The following ITPR1 variants were observed in gnomAD, a reference collection of about 807,000 sequenced individuals.
ITPR1 encodes the protein inositol 1,4,5-trisphosphate receptor type 1, also known as inositol 1,4,5-trisphosphate-gated calcium channel ITPR1.
In ITPR1, 96 loss-of-function variants were observed where a neutral mutation model predicts 318.4. That is an observed-to-expected ratio of 0.30 (90% CI 0.26 to 0.36). The LOEUF (loss-of-function observed/expected upper bound fraction) is 0.36. ITPR1 is among the 10% of genes least tolerant of loss of function. The probability of loss-of-function intolerance (pLI) is 1.00; values close to 1 mark genes in which losing one functional copy is unlikely to be tolerated. For synonymous variants in ITPR1, 1,312 were observed against 1,289.9 expected, an observed-to-expected ratio of 1.02 and a Z score of -0.37; for missense variants, 2,440 against 3,460.2, an observed-to-expected ratio of 0.71 and a Z score of 7.40.
At position 4,733,295 on chromosome 3, in the gene ITPR1, A is replaced by G. The variant is rs2043056624; in HGVS notation, c.5353+75A>G. ...TGATAGCTGCATGTTTCCTCCTAAC[A>G]GGTTGAAATGCTCACAACAGATGAA... On this transcript the variant is annotated intron_variant, in intron 43 of 61. Transcript: ENST00000649015. The G allele has an allele frequency of 1.1e-5, 17 of 1,536,504 alleles. No homozygotes were observed. The South Asian group carries it at 1.7e-4, about 16-fold the overall frequency.
Position 4,578,990 on chromosome 3 carries a change from T to C in ITPR1, c.164-48773T>C, listed in dbSNP as rs796347145. ...ATACTGAGTAGAACAAAAATTCCAT[T>C]GACCCATGTGATATTGCTGATTTTG... On this transcript the variant is annotated intron_variant, in intron 4 of 61. Coordinates refer to ENST00000649015, the MANE Select transcript of ITPR1 (RefSeq NM_001378452.1). 1.6e-4 allele frequency among the ~76,000 whole-genome samples: 24 copies of C among 152,298 alleles called. 1 individual carries two copies. Among genetic ancestry groups the C allele is most frequent in the African/African-American group, 5.1e-4 (21 of 41,566 alleles).
chr3:4,508,610 T>A (rs965006156), intron 2 of ITPR1, among the ~76,000 whole-genome samples: 5 of 151,838 alleles, frequency 3.3e-5, no homozygotes, highest in African/African-American at 9.7e-5. Flanking sequence ...AAAAAAAAAA[T>A]TCCAAACCTA....
Position 4,658,189 on chromosome 3 carries a change from C to T in ITPR1, c.1062C>T (p.Ser354=), listed in dbSNP as rs763811990. 4 of 1,613,560 alleles carry T rather than the reference C, an allele frequency of 2.5e-6. No individual in the cohort carries two copies. In the Admixed American group the frequency reaches 6.7e-5, roughly 27 times the overall value. Residue 354 remains serine, a synonymous_variant, in exon 13 of 62, where the codon TCC becomes TCT. Coordinates refer to ENST00000649015, the MANE Select transcript of ITPR1 (RefSeq NM_001378452.1). The part of the protein sequence containing the change: ...LRNAQEKMVY[S]LVSVPEGNDI... The stretch of plus-strand genomic sequence containing the variant: ...ATGCCCAAGAAAAGATGGTATACTC[C>T]CTGGTCTCTGTGCCTGAAGGCAATG...
intron 42 of ITPR1, among the ~76,000 whole-genome samples, chr3:4,731,120 TTTTC>T (rs1403021251): frequency 1.3e-5 from 2 of 152,238 alleles, no homozygotes; most frequent in African/African-American, 2.4e-5. Context: ...GGAGACAACC[TTTTC>T]TTTCTCTCAA....
chr3:4,714,402 G>T (rs1299672611), intron 39 of ITPR1, among the ~76,000 whole-genome samples: 3 of 152,178 alleles, frequency 2.0e-5, no homozygotes, highest in African/African-American at 7.2e-5. Context: ...CCCTGGTGAT[G>T]TCCAGAATTG....
chr3:4,830,974 T>C (rs915621919), intron 60 of ITPR1: 8 of 456,570 alleles, frequency 1.8e-5, no homozygotes, highest in African/African-American at 1.6e-4. Context: ...GAGGAGGTGA[T>C]TGATTACTCG....
chr3:4,633,899 A>C (rs1436348177), intron 5 of ITPR1, among the ~76,000 whole-genome samples: 1 of 152,242 alleles, frequency 6.6e-6, no homozygotes, highest in Non-Finnish European at 1.5e-5. Flanking sequence ...CCTTGCTTCA[A>C]TATCGCATTA....
At chr3:4,683,586 C>T (rs770546189) in intron 27 of ITPR1, 35 bp downstream of exon 27, 12 of 1,613,856 alleles carry the variant, frequency 7.4e-6, no homozygotes, top group South Asian at 5.5e-5. Flanking sequence ...GTTGTCTGTC[C>T]AAGAAGCTGT....
At chr3:4,506,428 G>T (rs1424077262) in intron 2 of ITPR1, among the ~76,000 whole-genome samples, 1 of 152,098 alleles carries the variant, frequency 6.6e-6, no homozygotes, top group Non-Finnish European at 1.5e-5. Flanking sequence ...TGACTTTCAG[G>T]TCTTCGCTTA....
In ITPR1 at chr3:4,627,824, C is replaced by T. The variant is rs558784142; in HGVS notation, c.225C>T (p.Ala75=). 25 of 1,613,724 alleles carry T rather than the reference C, an allele frequency of 1.5e-5. No homozygotes were observed. The highest frequency in any genetic ancestry group is 2.7e-5 in the African/African-American group (2 of 74,984). Reference sequence around the variant, plus strand: ...CTGCCCAAAAGCAGTTCTGGAAAGCCGCTAAGCCTGGGGCCAACAGCACCA... The same window carrying T: ...CTGCCCAAAAGCAGTTCTGGAAAGCTGCTAAGCCTGGGGCCAACAGCACCA... ...RYSAQKQFWK[A]AKPGANSTTD... is the part of the protein sequence containing the mutation. The change falls in exon 5 of 62, where the codon GCC becomes GCT. Residue 75 remains alanine, a synonymous_variant. Coordinates refer to ENST00000649015, the MANE Select transcript of ITPR1 (RefSeq NM_001378452.1).
intron 61 of ITPR1, among the ~76,000 whole-genome samples, chr3:4,837,684 A>G (rs1464327870): frequency 6.6e-6 from 1 of 152,086 alleles, no homozygotes; most frequent in East Asian, 1.9e-4. Flanking sequence ...TGTTTATACA[A>G]AACCGTGCGT....
chr3:4,651,923 G>T (rs1171594141), intron 10 of ITPR1, among the ~76,000 whole-genome samples, 200 bp from the exon 11 acceptor site: 2 of 152,228 alleles, frequency 1.3e-5, no homozygotes, highest in Non-Finnish European at 2.9e-5. Context: ...TAGGAGACTC[G>T]ATGCCTTCTT....
At chr3:4,736,421 T>A (rs1012124631) in intron 44 of ITPR1, among the ~76,000 whole-genome samples, 4 of 152,246 alleles carry the variant, frequency 2.6e-5, no homozygotes, top group Non-Finnish European at 5.9e-5. Context: ...ACAGGTGAGA[T>A]TTCAGTCCCT....
intron 44 of ITPR1, among the ~76,000 whole-genome samples, chr3:4,741,332 G>C (rs757274609): frequency 2.0e-5 from 3 of 152,138 alleles, no homozygotes; most frequent in Non-Finnish European, 4.4e-5. Context: ...ATTGCTTCTG[G>C]TTTCAGAAGC....
chr3:4,764,174 AT>A (rs111406873), intron 44 of ITPR1, among the ~76,000 whole-genome samples: 3 of 143,442 alleles, frequency 2.1e-5, no homozygotes, highest in Non-Finnish European at 4.6e-5. Flanking sequence ...TGCCCCCATG[AT>A]TTTTTTGTCT....
chr3:4,780,911 G>A (rs2046789226), intron 49 of ITPR1, among the ~76,000 whole-genome samples: 1 of 152,188 alleles, frequency 6.6e-6, no homozygotes, highest in Non-Finnish European at 1.5e-5. Context: ...CCAGTGAGGT[G>A]GCTGGCACCG....
chr3:4,591,289 T>C (rs187967736), intron 4 of ITPR1, among the ~76,000 whole-genome samples: 3 of 152,328 alleles, frequency 2.0e-5, no homozygotes, highest in Admixed American at 1.3e-4. Context: ...TTTAGCTCTT[T>C]GAGGAATCAC....
intron 60 of ITPR1, among the ~76,000 whole-genome samples, chr3:4,821,626 AGTCCCAT>A (rs2049725833): frequency 6.6e-6 from 1 of 152,232 alleles, no homozygotes; most frequent in Admixed American, 6.5e-5. Context: ...CTCCCTGCCT[AGTCCCAT>A]GTCCCAAGGG....
intron 57 of ITPR1, 128 bp downstream of exon 57, chr3:4,813,362 T>A: frequency 1.6e-6 from 1 of 631,724 alleles, no homozygotes; most frequent in Non-Finnish European, 2.8e-6. Context: ...GGGGAAAGGC[T>A]GAGAAAGAGG....
Sources: gnomAD v4.1 joint callset for allele counts (sites outside exome capture counted in the v4.1 genomes callset) on GRCh38, gnomAD v4.1.1 for gene constraint, MANE v1.5 for transcripts, NCBI Gene and HGNC (gene_info 2026-07-23, HGNC 2026-07-21) for gene names.